The following LZTS3 variants were observed in gnomAD, a reference collection of about 807,000 sequenced individuals.
LZTS3 encodes the protein leucine zipper putative tumor suppressor 3.
In LZTS3, 16 loss-of-function variants were observed where a neutral mutation model predicts 50.9. The ratio of observed to expected loss-of-function variants is 0.31; its 90% CI spans 0.21 to 0.48. The LOEUF (loss-of-function observed/expected upper bound fraction) is 0.48. Among genes scored for constraint, LZTS3 ranks in the 20% least tolerant of loss-of-function variants. The pLI is 0.99. For missense variants in LZTS3, 816 were observed against 931.0 expected (o/e 0.88, Z 1.61); for synonymous variants, 408 against 410.6 (o/e 0.99, Z 0.08).
chr20:3,165,274 T>C lies in LZTS3; in HGVS notation c.1324-122A>G, dbSNP rs1369256789. ...CCGGGGCTGCAGGCTCAGCCCCTCA[T>C]CAGCAGCGACGCACCCGATTCCCTG... On this transcript the variant is annotated intron_variant, in intron 4 of 4. Transcript: ENST00000337576. This position sits in a 1 kb window ranked among gnomAD's most constrained non-coding sequence, Gnocchi z 5.0. 3 of 1,194,382 alleles carry C rather than the reference T, an allele frequency of 2.5e-6. No individual in the cohort carries two copies. The East Asian group carries it at 7.8e-5, about 31-fold the overall frequency. 74.0% of individuals were successfully genotyped at this position (1,194,382 alleles called of 1,614,324 possible). A position where few individuals can be genotyped will look rare whatever the true frequency, so the allele number is the denominator to read the frequency against.
chr20:3,165,736 G>T lies in LZTS3; in HGVS notation c.1084C>A (p.Arg362=). ...CCCTGCCGCAGCTCGGCCAGCTCCCGCTCCCACGCCTTCTGCCGCTCCTCC... is the reference window on the plus strand; with the variant it reads ...CCCTGCCGCAGCTCGGCCAGCTCCCTCTCCCACGCCTTCTGCCGCTCCTCC... ...VLEERQKAWE[R]ELAELRQGCS... The change falls in exon 4 of 5, where the codon CGG becomes AGG. Residue 362 remains arginine, a synonymous_variant. Coordinates refer to ENST00000337576, the MANE Select transcript of LZTS3 (RefSeq NM_001365618.1). This position sits in a 1 kb window ranked among gnomAD's most constrained non-coding sequence, Gnocchi z 5.0. 1 of 1,575,050 alleles carries T rather than the reference G, an allele frequency of 6.3e-7. No individual in the cohort carries two copies.
chr20:3,167,626 G>A (rs1195562997), intron 2 of LZTS3, 112 bp downstream of exon 2: 14 of 991,012 alleles, frequency 1.4e-5, no homozygotes, highest in Non-Finnish European at 1.7e-5. Flanking sequence ...GGGGTTGGAA[G>A]GGGAGAGCAG....
At position 3,164,438 on chromosome 20, in the gene LZTS3, C is replaced by G; in HGVS notation, c.*16G>C. 6.7e-7 allele frequency: 1 copy of G among 1,502,988 alleles called. No homozygotes were observed. The allele number at this position is 1,502,988 out of a possible 1,614,324, so 93.1% of individuals were successfully genotyped here. On this transcript the variant is annotated 3_prime_UTR_variant, in exon 5 of 5. Transcript: ENST00000337576. Reference sequence around the variant, plus strand: ...TTTGACAGGACATGTGTCAAAATGCCGAGTGCCCAGGTCGATCAGATTTCT... The same window carrying G: ...TTTGACAGGACATGTGTCAAAATGCGGAGTGCCCAGGTCGATCAGATTTCT...
At chr20:3,173,106 T>C (rs1205769447) in intron 1 of LZTS3, among the ~76,000 whole-genome samples, 1 of 151,834 alleles carries the variant, frequency 6.6e-6, no homozygotes, top group Admixed American at 6.6e-5. Context: ...AGCCAACTGA[T>C]AGAGACCCCA....
chr20:3,167,949 G>T lies in LZTS3; in HGVS notation c.-230C>A. 2.6e-6 allele frequency: 2 copies of T among 767,888 alleles called. No homozygotes were observed. Among genetic ancestry groups the T allele is most frequent in the Non-Finnish European group, 3.2e-6 (2 of 631,254 alleles). 47.6% of individuals were successfully genotyped at this position (767,888 alleles called of 1,614,324 possible). On this transcript the variant is annotated 5_prime_UTR_variant, in exon 2 of 5. Coordinates refer to ENST00000337576, the MANE Select transcript of LZTS3 (RefSeq NM_001365618.1). Reference sequence around the variant, plus strand: ...GGGGCCGACTGAGCCATCCCGGACTGCAGTTTTCTCCTCTGCGAAATGGGA... The same window carrying T: ...GGGGCCGACTGAGCCATCCCGGACTTCAGTTTTCTCCTCTGCGAAATGGGA...
intron 1 of LZTS3, among the ~76,000 whole-genome samples, chr20:3,171,662 CAAA>C (rs35361315): frequency 8.3e-5 from 9 of 108,368 alleles, no homozygotes; most frequent in Admixed American, 1.0e-4. Context: ...GATACCCCCT[CAAA>C]AAAAAAAAAA....
rs2066852121 is a variant in LZTS3, at chr20:3,167,813, G to A, written c.-94C>T. The stretch of plus-strand genomic sequence containing the variant: ...TCTCTCCTTGCCTTTCCAAGGGGTT[G>A]AGGGGCCGACGGGTCCTCAAGCCTG... On this transcript the variant is annotated 5_prime_UTR_variant, in exon 2 of 5. The change creates a premature stop within an existing upstream ORF in the 5' untranslated region. Transcript: ENST00000337576. 3.0e-6 allele frequency: 3 copies of A among 985,508 alleles called. No homozygotes were observed. Among genetic ancestry groups the A allele is most frequent in the Non-Finnish European group, 3.6e-6 (3 of 829,988 alleles). The allele number at this position is 985,508 out of a possible 1,614,324, so 61.0% of individuals were successfully genotyped here.
Position 3,164,875 on chromosome 20 carries a change from G to T in LZTS3, c.1601C>A (p.Ala534Asp). 1 of 1,555,472 alleles carries T rather than the reference G, an allele frequency of 6.4e-7. No individual in the cohort carries two copies. Residue 534 changes from alanine to aspartate, a missense_variant, in exon 5 of 5, where the codon GCC becomes GAC. Around this residue, in one of 3 missense-constraint regions of LZTS3, gnomAD observed 700 missense variants for 769.4 expected, o/e 0.91. Coordinates refer to ENST00000337576, the MANE Select transcript of LZTS3 (RefSeq NM_001365618.1). ...VDPAEPQDAL[A>D]TCESDEAKMR... ...CTTAGCCTCGTCGCTCTCGCAGGTG[G>T]CCAGAGCATCCTGTGGCTCGGCCGG...
At chr20:3,170,486 C>CAAAAGA (rs2066888587) in intron 1 of LZTS3, among the ~76,000 whole-genome samples, 1 of 72,586 alleles carries the variant, frequency 1.4e-5, no homozygotes, top group African/African-American at 7.2e-5. Flanking sequence ...GAGACTACAT[C>CAAAAGA]AAAAAAAAAA....
chr20:3,169,742 G>A (rs945854424), intron 1 of LZTS3, among the ~76,000 whole-genome samples: 2 of 151,900 alleles, frequency 1.3e-5, no homozygotes, highest in African/African-American at 4.8e-5. Flanking sequence ...AGCTGGGTGC[G>A]GTATGCATTC....
chr20:3,165,218 A>G lies in LZTS3; in HGVS notation c.1324-66T>C. 1 of 1,405,604 alleles carries G rather than the reference A, an allele frequency of 7.1e-7. No individual in the cohort carries two copies. The allele number at this position is 1,405,604 out of a possible 1,614,324, so 87.1% of individuals were successfully genotyped here. A position where few individuals can be genotyped will look rare whatever the true frequency, so the allele number is the denominator to read the frequency against. ...GAGCTCTGCTCACCCCAACCCAGCTACCAGATCTGGAGCCAGGGGCACCAA... is the reference window on the plus strand; with the variant it reads ...GAGCTCTGCTCACCCCAACCCAGCTGCCAGATCTGGAGCCAGGGGCACCAA... On this transcript the variant is annotated intron_variant, in intron 4 of 4. Transcript: ENST00000337576. This position sits in a 1 kb window ranked among gnomAD's most constrained non-coding sequence, Gnocchi z 5.0.
Position 3,165,384 on chromosome 20 carries a change from T to G in LZTS3, c.1323+113A>C. The G allele has an allele frequency of 3.1e-6, 4 of 1,297,032 alleles. No homozygotes were observed. Among genetic ancestry groups the G allele is most frequent in the African/African-American group, 1.8e-5 (1 of 55,042 alleles). The allele number at this position is 1,297,032 out of a possible 1,614,324, so 80.3% of individuals were successfully genotyped here. On this transcript the variant is annotated intron_variant, in intron 4 of 4. Transcript: ENST00000337576. The surrounding 1 kb of genome is among the most constrained non-coding windows in gnomAD (Gnocchi z 5.0). ...CCCAATTGATTTTTGTCCCCCCTGC[T>G]CCTTTCATCCCCCCCCCCATCCCAC...
intron 1 of LZTS3, among the ~76,000 whole-genome samples, chr20:3,169,524 G>C (rs2066876553): frequency 1.3e-5 from 2 of 152,132 alleles, no homozygotes; most frequent in African/African-American, 2.4e-5. Context: ...TAACATGATA[G>C]GGGGAGACTG....
At chr20:3,167,351 G>A in intron 2 of LZTS3, 170 bp from the exon 3 acceptor site, 1 of 1,353,514 alleles carries the variant, frequency 7.4e-7, no homozygotes, top group Non-Finnish European at 9.5e-7. Context: ...ATAAAAGAGA[G>A]AACTTGGGAA....
rs1043149910 is a variant in LZTS3 at position 3,173,436 on chromosome 20, A to C, written c.-243+19T>G. On this transcript the variant is annotated intron_variant, in intron 1 of 4. Coordinates refer to ENST00000337576, the MANE Select transcript of LZTS3 (RefSeq NM_001365618.1). ...GGTCGGAGCCGGGAGGGATGCCACG[A>C]TGGGCCTGCCTCACTTACTCGCTGC... is the stretch of plus-strand genomic sequence containing the variant. 7 of 152,246 alleles carry C rather than the reference A, an allele frequency of 4.6e-5. No individual in the cohort carries two copies. The highest frequency in any genetic ancestry group is 4.6e-4 in the Admixed American group (7 of 15,300). 9.4% of individuals were successfully genotyped at this position (152,246 alleles called of 1,614,324 possible).
At position 3,164,255 on chromosome 20, in the gene LZTS3, G is replaced by A; in HGVS notation, c.*199C>T. On this transcript the variant is annotated 3_prime_UTR_variant, in exon 5 of 5. Coordinates refer to ENST00000337576, the MANE Select transcript of LZTS3 (RefSeq NM_001365618.1). ...TCCTCCTATTCCCTCCTTTTAGGGG[G>A]GTCCAAGTGGGCTGCCACGGGGGCA... is the stretch of plus-strand genomic sequence containing the variant. 2.0e-6 allele frequency: 1 copy of A among 498,316 alleles called. No homozygotes were observed. The highest frequency in any genetic ancestry group is 3.4e-6 in the Non-Finnish European group (1 of 297,496). The allele number at this position is 498,316 out of a possible 1,614,324, so 30.9% of individuals were successfully genotyped here. A position where few individuals can be genotyped will look rare whatever the true frequency, so the allele number is the denominator to read the frequency against.
At chr20:3,167,428 G>A (rs918960638) in intron 2 of LZTS3, 14 of 808,696 alleles carry the variant, frequency 1.7e-5, no homozygotes, top group Middle Eastern at 4.6e-4. Flanking sequence ...AGCCCCCAGC[G>A]TTGCTCAGCT....
Position 3,165,391 on chromosome 20 carries a change from A to T in LZTS3, c.1323+106T>A. 1.5e-5 allele frequency: 14 copies of T among 935,008 alleles called. No homozygotes were observed. Among genetic ancestry groups the T allele is most frequent in the Non-Finnish European group, 1.9e-5 (13 of 669,304 alleles). 57.9% of individuals were successfully genotyped at this position (935,008 alleles called of 1,614,324 possible). ...GATTTTTGTCCCCCCTGCTCCTTTC[A>T]TCCCCCCCCCCATCCCACCGTTATG... On this transcript the variant is annotated intron_variant, in intron 4 of 4. Coordinates refer to ENST00000337576, the MANE Select transcript of LZTS3 (RefSeq NM_001365618.1). The surrounding 1 kb of genome is among the most constrained non-coding windows in gnomAD (Gnocchi z 5.0).
rs776213082 is a variant in LZTS3 at position 3,164,576 on chromosome 20, C to T, written c.1900G>A (p.Glu634Lys). ...GCCCCGCGCTCCCGCAGCCTGCGCT[C>T]CAGCTGCTGGTTGCGCTGGTACATC... ...VEMYQRNQQL[E>K]RRLRERGAAG... The change falls in exon 5 of 5, where the codon GAG becomes AAG. Residue 634 changes from glutamate (E) to lysine (K), a missense_variant. Transcript: ENST00000337576. The T allele has an allele frequency of 6.2e-7, 1 of 1,611,080 alleles. No individual in the cohort carries two copies. The highest frequency in any genetic ancestry group is 8.5e-7 in the Non-Finnish European group (1 of 1,178,720).
Sources: allele counts gnomAD v4.1 joint callset (sites outside exome capture counted in the v4.1 genomes callset), GRCh38; gene constraint gnomAD v4.1.1; regional missense constraint gnomAD v4.1.1; non-coding constraint Gnocchi (gnomAD v3.1); transcripts MANE v1.5; gene names NCBI Gene and HGNC (gene_info 2026-07-23, HGNC 2026-07-21).